The following GPR15LG variants were observed in gnomAD, a reference collection of about 807,000 sequenced individuals.
GPR15LG encodes protein GPR15LG.
the GPR15LG span, among the ~76,000 whole-genome samples, chr10:84,177,491 C>T: frequency 6.6e-6 from 1 of 152,344 alleles, no homozygotes; most frequent in Admixed American, 6.5e-5. Context: ...TGCTCCTCTG[C>T]GGCCATGGCC....
chr10:84,179,413 T>C, the GPR15LG span, among the ~76,000 whole-genome samples: 1 of 152,172 alleles, frequency 6.6e-6, no homozygotes, highest in Non-Finnish European at 1.5e-5. Flanking sequence ...TGCACGTTCT[T>C]GTCCAGGCTT....
At chr10:84,174,281 T>C in the GPR15LG span, among the ~76,000 whole-genome samples, 1 of 152,034 alleles carries the variant, frequency 6.6e-6, no homozygotes, top group Non-Finnish European at 1.5e-5. Flanking sequence ...TGGAACAGAG[T>C]AAATTAGTGT....
At chr10:84,179,221 T>C in the GPR15LG span, among the ~76,000 whole-genome samples, 1 of 152,296 alleles carries the variant, frequency 6.6e-6, no homozygotes, top group Non-Finnish European at 1.5e-5. Flanking sequence ...GGAGTTATAA[T>C]AGAATCTGCC....
the GPR15LG span, among the ~76,000 whole-genome samples, chr10:84,175,601 C>A: frequency 6.6e-6 from 1 of 152,300 alleles, no homozygotes; most frequent in East Asian, 1.9e-4. Flanking sequence ...ACTTCCAGGG[C>A]TCAAGCAATA....
chr10:84,184,564 T>C, the GPR15LG span: 1 of 1,111,728 alleles, frequency 9.0e-7, no homozygotes, highest in South Asian at 1.3e-5. Flanking sequence ...GAAATTTTTT[T>C]TTAAATGTGT....
the GPR15LG span, chr10:84,176,465 T>C: frequency 6.3e-7 from 1 of 1,593,986 alleles, no homozygotes; most frequent in Non-Finnish European, 8.6e-7. Flanking sequence ...TCTCTTCCTT[T>C]GTGTCCACCC....
chr10:84,183,650 A>T, the GPR15LG span, among the ~76,000 whole-genome samples: 61 of 151,206 alleles, frequency 4.0e-4, no homozygotes, highest in African/African-American at 1.4e-3. Context: ...ATTGTTTATT[A>T]TTTATTTTTT....
the GPR15LG span, among the ~76,000 whole-genome samples, chr10:84,180,894 G>A: frequency 6.6e-5 from 10 of 152,336 alleles, no homozygotes; most frequent in East Asian, 3.9e-4. Context: ...AGACAAGCCC[G>A]GCCAACATGG....
At chr10:84,182,854 G>A in the GPR15LG span, among the ~76,000 whole-genome samples, 5 of 152,156 alleles carry the variant, frequency 3.3e-5, no homozygotes, top group Non-Finnish European at 1.5e-5. Flanking sequence ...CTTGGGATCT[G>A]AGGTGAGGAA....
At chr10:84,180,895 G>A in the GPR15LG span, among the ~76,000 whole-genome samples, 565 of 152,370 alleles carry the variant, frequency 3.7e-3, no homozygotes, top group Non-Finnish European at 6.3e-3. Flanking sequence ...GACAAGCCCG[G>A]CCAACATGGC....
the GPR15LG span, among the ~76,000 whole-genome samples, chr10:84,183,004 A>T: frequency 2.6e-5 from 4 of 151,650 alleles, no homozygotes; most frequent in South Asian, 8.4e-4. Context: ...CACTATGGGA[A>T]GATCAAAGCA....
chr10:84,184,783 C>T, the GPR15LG span: 3 of 1,613,572 alleles, frequency 1.9e-6, no homozygotes, highest in South Asian at 3.3e-5. Context: ...CAAAGCAAGA[C>T]TCCAGACAGC....
At chr10:84,182,642 G>A in the GPR15LG span, among the ~76,000 whole-genome samples, 3 of 152,190 alleles carry the variant, frequency 2.0e-5, no homozygotes, top group Non-Finnish European at 4.4e-5. Context: ...GGCCTCTTGA[G>A]GTACAGGCTC....
At chr10:84,177,329 T>A in the GPR15LG span, among the ~76,000 whole-genome samples, 1 of 151,380 alleles carries the variant, frequency 6.6e-6, no homozygotes, top group Non-Finnish European at 1.5e-5. Flanking sequence ...GGTGGAAGGG[T>A]CAGGCTGCTG....
chr10:84,176,813 C>T, the GPR15LG span, among the ~76,000 whole-genome samples: 1 of 152,210 alleles, frequency 6.6e-6, no homozygotes. Flanking sequence ...TGTGGAAACA[C>T]ACTTACTTTA....
At chr10:84,177,918 G>T in the GPR15LG span, among the ~76,000 whole-genome samples, 1 of 152,108 alleles carries the variant, frequency 6.6e-6, no homozygotes, top group Non-Finnish European at 1.5e-5. Context: ...GAGGGGGTGT[G>T]TGAGCCCCCA....
the GPR15LG span, among the ~76,000 whole-genome samples, chr10:84,174,247 A>G: frequency 6.6e-6 from 1 of 152,174 alleles, no homozygotes; most frequent in Non-Finnish European, 1.5e-5. Context: ...TTCTGGAGCC[A>G]TTCTCTTGTA....
the GPR15LG span, chr10:84,176,456 CT>C: frequency 6.4e-7 from 1 of 1,570,264 alleles, no homozygotes; most frequent in Admixed American, 1.7e-5. Flanking sequence ...AAGACAGTCT[CT>C]CTTCCTTTGT....
chr10:84,178,713 C>T, the GPR15LG span, among the ~76,000 whole-genome samples: 3 of 152,218 alleles, frequency 2.0e-5, no homozygotes, highest in African/African-American at 4.8e-5. Context: ...TGCAAGTACA[C>T]GTGCATCCGT....
Sources: gnomAD v4.1 joint callset for allele counts (sites outside exome capture counted in the v4.1 genomes callset) on GRCh38, gnomAD v4.1.1 for gene constraint, MANE v1.5 for transcripts, NCBI Gene and HGNC (gene_info 2026-07-23, HGNC 2026-07-21) for gene names.